Variants in ME1 observed in about 807,000 individuals in gnomAD.
The protein encoded by ME1 is malic enzyme 1.
In ME1, 74 loss-of-function variants were observed where a neutral mutation model predicts 66.4. The ratio of observed to expected loss-of-function variants is 1.11; its 90% confidence interval spans 0.92 to 1.35. The LOEUF is 1.35. Among genes scored for constraint, ME1 ranks in the 40% most tolerant of loss-of-function variants. The pLI is 0.00. For missense variants in ME1, 750 were observed against 694.1 expected, an observed-to-expected ratio of 1.08 and a Z score of -0.90; for synonymous variants, 251 against 235.6, an observed-to-expected ratio of 1.07 and a Z score of -0.60.
intron 3 of ME1, among the ~76,000 whole-genome samples, chr6:83,394,769 T>C (rs1347221376): frequency 6.6e-6 from 1 of 152,200 alleles, no homozygotes; most frequent in Non-Finnish European, 1.5e-5. Context: ...CTTTTGTTAT[T>C]GCTGTTGTTA....
intron 3 of ME1, among the ~76,000 whole-genome samples, chr6:83,387,772 A>C (rs1347798534): frequency 6.6e-6 from 1 of 152,176 alleles, no homozygotes; most frequent in African/African-American, 2.4e-5. Context: ...TTTTTCAAAG[A>C]ATTTTCTAGG....
chr6:83,356,746 T>C (rs979741160), intron 3 of ME1, among the ~76,000 whole-genome samples: 8 of 133,894 alleles, frequency 6.0e-5, no homozygotes, highest in African/African-American at 2.1e-4. Flanking sequence ...TTACATAAAA[T>C]TGTTTTTTTT....
intron 3 of ME1, among the ~76,000 whole-genome samples, chr6:83,361,869 C>T (rs927688447): frequency 6.6e-6 from 1 of 152,122 alleles, no homozygotes; most frequent in African/African-American, 2.4e-5. Flanking sequence ...TCAAACAGGT[C>T]CTGAAGGCAC....
intron 3 of ME1, among the ~76,000 whole-genome samples, chr6:83,356,908 A>G (rs1381053662): frequency 1.3e-5 from 2 of 152,218 alleles, no homozygotes; most frequent in African/African-American, 4.8e-5. Flanking sequence ...GACATCATTC[A>G]CATTTCACCA....
At chr6:83,379,271 T>A (rs1360339254) in intron 3 of ME1, among the ~76,000 whole-genome samples, 1 of 152,094 alleles carries the variant, frequency 6.6e-6, no homozygotes, top group Non-Finnish European at 1.5e-5. Flanking sequence ...AGTATCTTAT[T>A]TATCTTACTA....
rs537201826 is a variant in ME1 at position 83,315,374 on chromosome 6, T to C, written c.640A>G (p.Arg214Gly). ...TCATATTCAGAACCTCTTACTCTTC[T>C]CTGCCGTAGTCCAATGTAGAGTGGA... Reference protein sequence around the residue: ...KDPLYIGLRQRRVRGSEYDDF... With the variant: ...KDPLYIGLRQGRVRGSEYDDF... Residue 214 changes from arginine (R) to glycine (G), a missense_variant, in exon 6 of 14, where the codon AGA becomes GGA. Coordinates refer to ENST00000369705, the MANE Select transcript of ME1 (RefSeq NM_002395.6). The C allele has an allele frequency of 7.8e-5, 126 of 1,612,006 alleles. 1 individual carries two copies. The South Asian group carries it at 1.4e-3, about 17-fold the overall frequency.
chr6:83,222,907 C>G (rs1326048224), intron 12 of ME1, among the ~76,000 whole-genome samples: 1 of 152,182 alleles, frequency 6.6e-6, no homozygotes. Context: ...AATCTTTCCT[C>G]AAGGCCCAGA....
Position 83,223,848 on chromosome 6 carries a change from T to A in ME1, c.1361A>T (p.Asn454Ile), listed in dbSNP as rs766439328. 1.9e-6 allele frequency: 3 copies of A among 1,613,946 alleles called. No individual in the cohort carries two copies. In the South Asian group the frequency reaches 3.3e-5, roughly 18 times the overall value. Residue 454 changes from asparagine (N) to isoleucine (I), a missense_variant, in exon 12 of 14, where the codon AAT (asparagine) becomes ATT (isoleucine). Transcript: ENST00000369705. ...AGCAACTCCAGGGAACACATAGGAA[T>A]TGTTGCCTTGGCCAGGATATAGGGT... ...GQTLYPGQGN[N>I]SYVFPGVALG... is the part of the protein sequence containing the mutation.
intron 6 of ME1, among the ~76,000 whole-genome samples, chr6:83,255,286 TC>T (rs990373124): frequency 6.6e-6 from 1 of 151,950 alleles, no homozygotes; most frequent in Non-Finnish European, 1.5e-5. Flanking sequence ...ATAGTTGTTT[TC>T]TTTATTATTT....
chr6:83,381,053 G>A (rs756090063), intron 3 of ME1, among the ~76,000 whole-genome samples: 1 of 152,104 alleles, frequency 6.6e-6, no homozygotes, highest in African/African-American at 2.4e-5. Context: ...GGATAAGGCT[G>A]CAGAGTGTTT....
chr6:83,235,873 A>T (rs1274569208), intron 9 of ME1, among the ~76,000 whole-genome samples: 1 of 152,108 alleles, frequency 6.6e-6, no homozygotes, highest in Non-Finnish European at 1.5e-5. Context: ...TCTTCATTTA[A>T]AGAAACATAT....
intron 5 of ME1, among the ~76,000 whole-genome samples, chr6:83,324,053 A>G (rs1474416768): frequency 1.3e-5 from 2 of 152,134 alleles, no homozygotes; most frequent in African/African-American, 4.8e-5. Context: ...CTGCACAACT[A>G]CATGGAAACT....
chr6:83,291,686 T>C (rs1349599746), intron 6 of ME1, among the ~76,000 whole-genome samples: 1 of 152,172 alleles, frequency 6.6e-6, no homozygotes, highest in African/African-American at 2.4e-5. Flanking sequence ...GTTGGGGAAG[T>C]TCTCCTGCAT....
chr6:83,267,300 TCCACTGCC>T (rs1767004657), intron 6 of ME1, among the ~76,000 whole-genome samples: 2 of 152,110 alleles, frequency 1.3e-5, no homozygotes, highest in African/African-American at 4.8e-5. Context: ...CTCAAGTCTA[TCCACTGCC>T]CTTCTAAGAA....
intron 7 of ME1, among the ~76,000 whole-genome samples, chr6:83,250,573 T>G (rs530495528): frequency 4.6e-5 from 7 of 152,374 alleles, no homozygotes; most frequent in South Asian, 2.1e-4. Flanking sequence ...GGCTCCATCC[T>G]TGGCTCCTTT....
intron 6 of ME1, among the ~76,000 whole-genome samples, chr6:83,280,911 A>G (rs559218212): frequency 7.9e-5 from 12 of 152,368 alleles, no homozygotes; most frequent in Admixed American, 1.3e-4. Context: ...AAATTAATTG[A>G]CATTAAAAGG....
At chr6:83,307,435 C>T (rs1767846940) in intron 6 of ME1, among the ~76,000 whole-genome samples, 1 of 151,906 alleles carries the variant, frequency 6.6e-6, no homozygotes, top group African/African-American at 2.4e-5. Flanking sequence ...TTATTTTTTT[C>T]ACCTGGTTAT....
intron 3 of ME1, among the ~76,000 whole-genome samples, chr6:83,392,200 C>T (rs930203690): frequency 3.3e-5 from 5 of 150,492 alleles, no homozygotes; most frequent in Non-Finnish European, 7.4e-5. Context: ...AGGCTGGAGT[C>T]AACAGATTTG....
chr6:83,221,559 C>T (rs1316144564), intron 12 of ME1, among the ~76,000 whole-genome samples: 1 of 152,070 alleles, frequency 6.6e-6, no homozygotes, highest in Non-Finnish European at 1.5e-5. Context: ...AATGTGAATG[C>T]TGACAGTGAG....
Sources: gnomAD v4.1 joint callset for allele counts (sites outside exome capture counted in the v4.1 genomes callset) on GRCh38, gnomAD v4.1.1 for gene constraint, MANE v1.5 for transcripts, NCBI Gene and HGNC (gene_info 2026-07-23, HGNC 2026-07-21) for gene names.